Variants in EPB41L4B observed in about 807,000 individuals in gnomAD.
EPB41L4B encodes the protein band 4.1-like protein 4B.
EPB41L4B carries 30 observed loss-of-function variants against 112.5 expected under a neutral mutation model. The ratio of observed to expected loss-of-function variants is 0.27; its 90% confidence interval spans 0.20 to 0.36. The LOEUF (loss-of-function observed/expected upper bound fraction) is 0.36. Ranked by LOEUF, EPB41L4B falls within the 10% of genes least tolerant of loss-of-function variation. The pLI is 1.00. For synonymous variants in EPB41L4B, 408 were observed against 439.7 expected, an observed-to-expected ratio of 0.93 and a Z score of 0.90; for missense variants, 1,024 against 1,133.3, an observed-to-expected ratio of 0.90 and a Z score of 1.38.
At chr9:109,299,211 ATTAC>A (rs779988446) in intron 1 of EPB41L4B, among the ~76,000 whole-genome samples, 9 of 152,392 alleles carry the variant, frequency 5.9e-5, no homozygotes, top group Admixed American at 1.3e-4. Flanking sequence ...TACAAATGTG[ATTAC>A]TTACTTATTT....
intron 1 of EPB41L4B, among the ~76,000 whole-genome samples, chr9:109,292,733 AG>A (rs371187227): frequency 6.6e-6 from 1 of 152,166 alleles, no homozygotes; most frequent in African/African-American, 2.4e-5. Flanking sequence ...TTATCAAGAG[AG>A]GGGGTCTCTG....
intron 13 of EPB41L4B, among the ~76,000 whole-genome samples, chr9:109,251,177 C>T (rs879417039): frequency 1.3e-5 from 2 of 152,260 alleles, no homozygotes; most frequent in Admixed American, 6.5e-5. Flanking sequence ...CTGCCTGCCA[C>T]GCCATGAGCA....
At chr9:109,301,196 T>C (rs1422864407) in intron 1 of EPB41L4B, 1 of 152,266 alleles carries the variant, frequency 6.6e-6, no homozygotes, top group African/African-American at 2.4e-5. Flanking sequence ...ACAGGCTGAC[T>C]TCTCAGAAGG....
chr9:109,284,319 T>C (rs564427854), intron 1 of EPB41L4B, among the ~76,000 whole-genome samples: 2 of 152,312 alleles, frequency 1.3e-5, no homozygotes, highest in South Asian at 2.1e-4. Context: ...TTTCACACCA[T>C]CATAAAGCCA....
chr9:109,249,689 G>C (rs1834709369), intron 13 of EPB41L4B, among the ~76,000 whole-genome samples: 1 of 152,068 alleles, frequency 6.6e-6, no homozygotes, highest in African/African-American at 2.4e-5. Flanking sequence ...ACCCCGACAA[G>C]CTAAGAAAGG....
chr9:109,281,750 C>A (rs1211802027), intron 1 of EPB41L4B, among the ~76,000 whole-genome samples: 1 of 150,648 alleles, frequency 6.6e-6, no homozygotes, highest in Non-Finnish European at 1.5e-5. Flanking sequence ...TAAAAAAGAT[C>A]ATAACAAATG....
chr9:109,244,546 C>T (rs545607875), intron 14 of EPB41L4B, among the ~76,000 whole-genome samples: 2 of 148,768 alleles, frequency 1.3e-5, no homozygotes, highest in East Asian at 2.0e-4. Context: ...TCAAGCGATT[C>T]TCCTGCCTCA....
intron 6 of EPB41L4B, among the ~76,000 whole-genome samples, chr9:109,261,962 T>C (rs1837549): frequency 0.52 from 78,576 of 152,000 alleles, 20,548 homozygotes; most frequent in East Asian, 0.68. Context: ...TGCTGGCAAA[T>C]GAGTGCACAA....
intron 1 of EPB41L4B, among the ~76,000 whole-genome samples, chr9:109,298,464 CCA>C: frequency 6.6e-6 from 1 of 152,116 alleles, no homozygotes. Context: ...CAGGCGCCTG[CCA>C]CCACACCCAG....
chr9:109,291,141 G>A (rs1463831970), intron 1 of EPB41L4B, among the ~76,000 whole-genome samples: 1 of 152,184 alleles, frequency 6.6e-6, no homozygotes, highest in African/African-American at 2.4e-5. Context: ...TACATCATCA[G>A]TTCATACCGC....
At chr9:109,265,260 G>T (rs1835359692) in intron 4 of EPB41L4B, among the ~76,000 whole-genome samples, 1 of 152,214 alleles carries the variant, frequency 6.6e-6, no homozygotes, top group South Asian at 2.1e-4. Context: ...ATACTTGTAG[G>T]ATGGAACGTG....
At chr9:109,286,514 G>A (rs2119161823) in intron 1 of EPB41L4B, among the ~76,000 whole-genome samples, 1 of 152,310 alleles carries the variant, frequency 6.6e-6, no homozygotes, top group South Asian at 2.1e-4. Flanking sequence ...GGTTATAACA[G>A]AAGACGAGTT....
chr9:109,210,346 A>G (rs1833123374), intron 17 of EPB41L4B, among the ~76,000 whole-genome samples: 1 of 152,200 alleles, frequency 6.6e-6, no homozygotes, highest in Admixed American at 6.5e-5. Flanking sequence ...TCACTGGTGC[A>G]TGAAGAGATA....
chr9:109,249,506 A>ATT (rs201271741), intron 13 of EPB41L4B, among the ~76,000 whole-genome samples: 1 of 141,524 alleles, frequency 7.1e-6, no homozygotes, highest in African/African-American at 2.6e-5. Context: ...TTTGGGCAGA[A>ATT]TTTTTTTTTT....
intron 1 of EPB41L4B, among the ~76,000 whole-genome samples, chr9:109,306,935 T>G (rs1365166584): frequency 6.7e-6 from 1 of 150,330 alleles, no homozygotes; most frequent in Non-Finnish European, 1.5e-5. Flanking sequence ...CTAAATGAGC[T>G]CCTTTAGAGC....
chr9:109,174,567 A>G lies in EPB41L4B; in HGVS notation c.2690T>C (p.Met897Thr), dbSNP rs780029759. Residue 897 changes from methionine to threonine, a missense_variant, in exon 26 of 26, where the codon ATG (methionine) becomes ACG (threonine). Transcript: ENST00000374566. The stretch of plus-strand genomic sequence containing the variant: ...AAGGGGAGAATTTCACAGTTCGGTC[A>G]TCAACAGTCTTTTCATCATCTTCTC... ...EREKMMKRLL[M>T]TEL The G allele has an allele frequency of 1.2e-6, 2 of 1,614,140 alleles. No individual in the cohort carries two copies. Among genetic ancestry groups the G allele is most frequent in the Non-Finnish European group, 1.7e-6 (2 of 1,179,982 alleles).
At chr9:109,206,122 A>C (rs546983444) in intron 18 of EPB41L4B, among the ~76,000 whole-genome samples, 11 of 152,344 alleles carry the variant, frequency 7.2e-5, no homozygotes, top group Admixed American at 4.6e-4. Context: ...CATTAGGTTT[A>C]TAAGGAATGA....
chr9:109,256,776 C>T (rs1002389613), intron 7 of EPB41L4B, among the ~76,000 whole-genome samples: 2 of 152,230 alleles, frequency 1.3e-5, no homozygotes, highest in African/African-American at 4.8e-5. Flanking sequence ...AACCCCATCT[C>T]TGCTAAAAAT....
At chr9:109,238,545 G>A (rs1834234289) in intron 15 of EPB41L4B, among the ~76,000 whole-genome samples, 1 of 152,182 alleles carries the variant, frequency 6.6e-6, no homozygotes, top group South Asian at 2.1e-4. Context: ...GTCAGGTGCT[G>A]GGGAACAAAG....
Sources: allele counts gnomAD v4.1 joint callset (sites outside exome capture counted in the v4.1 genomes callset), GRCh38; gene constraint gnomAD v4.1.1; transcripts MANE v1.5; gene names NCBI Gene and HGNC (gene_info 2026-07-23, HGNC 2026-07-21).